EIPR1: variants seen among roughly 807,000 people sequenced by gnomAD.
The protein encoded by EIPR1 is EARP complex and GARP complex interacting protein 1.
A neutral mutation model predicts 48.1 loss-of-function variants in EIPR1; 25 were observed. The ratio of observed to expected loss-of-function variants is 0.52; its 90% CI spans 0.38 to 0.73. The LOEUF (loss-of-function observed/expected upper bound fraction) is 0.73, where lower values mean the gene tolerates loss of function less well. Ranked by LOEUF, EIPR1 falls within the 30% of genes least tolerant of loss-of-function variation. The probability of loss-of-function intolerance (pLI) is 0.00; values close to 1 mark genes in which losing one functional copy is unlikely to be tolerated. For synonymous variants in EIPR1, 204 were observed against 201.9 expected (o/e 1.01, Z -0.09); for missense variants, 415 against 506.2 (o/e 0.82, Z 1.73).
Position 3,269,914 on chromosome 2 carries a change from TCCCTCAGCTTGGGAGCACCAG to T in EIPR1, c.260-12480_260-12460del, listed in dbSNP as rs1162383314. Reference sequence around the variant, plus strand: ...AGCACGCGAATGAAGAGGAGCACCATCCCTCAGCTTGGGAGCACCAGCCCTTGGCTTGCACACAGCACTGCC... The same window carrying T: ...AGCACGCGAATGAAGAGGAGCACCATCCCTTGGCTTGCACACAGCACTGCC... On this transcript the variant is annotated intron_variant, in intron 3 of 8. Coordinates refer to ENST00000382125, the MANE Select transcript of EIPR1 (RefSeq NM_003310.5). Among the ~76,000 whole-genome samples, 82 of 152,316 alleles carry T rather than the reference TCCCTCAGCTTGGGAGCACCAG, an allele frequency of 5.4e-4. 1 individual carries two copies. The Middle Eastern group carries it at 0.017, about 32-fold the overall frequency.
chr2:3,214,296 C>A, intron 4 of EIPR1, 48 bp from the exon 5 acceptor site: 2 of 1,560,546 alleles, frequency 1.3e-6, no homozygotes, highest in Middle Eastern at 1.7e-4. Flanking sequence ...TTTGAGATAC[C>A]CAGGCTGGTA....
intron 1 of EIPR1, among the ~76,000 whole-genome samples, chr2:3,363,465 G>A (rs892747922): frequency 2.6e-5 from 4 of 152,178 alleles, no homozygotes; most frequent in African/African-American, 9.7e-5. Flanking sequence ...GGAGGCCAAG[G>A]TGGGCAAATG....
chr2:3,349,686 G>GACGCTGTGAGATGGGGACAGGGAGC (rs1670511550), intron 2 of EIPR1, among the ~76,000 whole-genome samples: 3 of 150,802 alleles, frequency 2.0e-5, no homozygotes, highest in Non-Finnish European at 2.9e-5. Context: ...GGACAGGGAG[G>GACGCTGTGAGATGGGGACAGGGAGC]ACGCTGTGAG....
intron 3 of EIPR1, among the ~76,000 whole-genome samples, chr2:3,304,698 CTCCCGTCCAATTCAGCCCTTCAG>C (rs1406896167): frequency 6.8e-6 from 1 of 146,782 alleles, no homozygotes; most frequent in Non-Finnish European, 1.5e-5. Flanking sequence ...CAACCCTCCA[CTCCCGTCCAATTCAGCCCTTCAG>C]TCCCGTCCAA....
At chr2:3,295,466 C>CCA (rs1668535518) in intron 3 of EIPR1, among the ~76,000 whole-genome samples, 2 of 109,910 alleles carry the variant, frequency 1.8e-5, no homozygotes, top group Admixed American at 9.4e-5. Context: ...CATCCTCTCT[C>CCA]TACACACCCT....
intron 4 of EIPR1, among the ~76,000 whole-genome samples, chr2:3,231,361 G>C (rs1666237766): frequency 1.3e-5 from 2 of 152,062 alleles, no homozygotes; most frequent in Admixed American, 1.3e-4. Flanking sequence ...CCTCTAGTTA[G>C]AACTTCCAGT....
chr2:3,373,363 G>T (rs897897257), intron 1 of EIPR1, among the ~76,000 whole-genome samples: 4 of 152,044 alleles, frequency 2.6e-5, no homozygotes, highest in African/African-American at 9.7e-5. Context: ...TCAACATAGT[G>T]TTGGAAGTTC....
chr2:3,348,329 T>C (rs1332874013), intron 2 of EIPR1, among the ~76,000 whole-genome samples: 13 of 152,206 alleles, frequency 8.5e-5, no homozygotes, highest in African/African-American at 3.1e-4. Context: ...ACCATGGCAC[T>C]CCCAGAGGTC....
At chr2:3,276,215 T>C (rs2103252557) in intron 3 of EIPR1, among the ~76,000 whole-genome samples, 1 of 152,362 alleles carries the variant, frequency 6.6e-6, no homozygotes, top group Middle Eastern at 3.4e-3. Context: ...TTTACTTCCT[T>C]GCTGTTGCAA....
At chr2:3,325,043 G>T (rs1421908882) in intron 3 of EIPR1, among the ~76,000 whole-genome samples, 1 of 152,248 alleles carries the variant, frequency 6.6e-6, no homozygotes, top group Non-Finnish European at 1.5e-5. Context: ...TGCCTGATCA[G>T]TTCTGTCTTT....
At chr2:3,194,918 G>A (rs1196283053) in intron 6 of EIPR1, among the ~76,000 whole-genome samples, 1 of 152,198 alleles carries the variant, frequency 6.6e-6, no homozygotes, top group East Asian at 1.9e-4. Context: ...GTGGGAGAAG[G>A]GGACTGTTTG....
chr2:3,281,173 G>C (rs993412657), intron 3 of EIPR1, among the ~76,000 whole-genome samples: 1 of 151,968 alleles, frequency 6.6e-6, no homozygotes. Context: ...CAGTTGAGTG[G>C]ACACAAACAT....
chr2:3,289,513 C>T (rs1162114593), intron 3 of EIPR1, among the ~76,000 whole-genome samples: 2 of 152,190 alleles, frequency 1.3e-5, no homozygotes, highest in African/African-American at 2.4e-5. Context: ...GCACCAGCCT[C>T]CTGGCCTTCC....
intron 4 of EIPR1, among the ~76,000 whole-genome samples, chr2:3,255,837 GCA>G (rs1343095719): frequency 7.9e-5 from 12 of 152,298 alleles, no homozygotes; most frequent in South Asian, 6.2e-4. Context: ...ACATACGTGT[GCA>G]CAGAGACACA....
intron 1 of EIPR1, among the ~76,000 whole-genome samples, chr2:3,365,060 T>C: frequency 6.6e-6 from 1 of 152,116 alleles, no homozygotes; most frequent in East Asian, 1.9e-4. Context: ...ATTTTTACCA[T>C]CATATAAATG....
At chr2:3,296,109 C>T (rs1200881980) in intron 3 of EIPR1, among the ~76,000 whole-genome samples, 1 of 134,910 alleles carries the variant, frequency 7.4e-6, no homozygotes, top group Non-Finnish European at 1.6e-5. Context: ...CCTCTCTACA[C>T]ACACACCCTC....
At chr2:3,210,571 C>T (rs1260316236) in intron 5 of EIPR1, among the ~76,000 whole-genome samples, 1 of 152,026 alleles carries the variant, frequency 6.6e-6, no homozygotes, top group South Asian at 2.1e-4. Flanking sequence ...GAGGAGGTCC[C>T]GGTGCTGCTG....
At chr2:3,362,614 C>A (rs1670876665) in intron 1 of EIPR1, among the ~76,000 whole-genome samples, 1 of 149,950 alleles carries the variant, frequency 6.7e-6, no homozygotes, top group Admixed American at 6.6e-5. Flanking sequence ...CACCCCACTG[C>A]ACTCCAGCCT....
chr2:3,318,343 G>A (rs1669378710), intron 3 of EIPR1, among the ~76,000 whole-genome samples: 3 of 152,214 alleles, frequency 2.0e-5, no homozygotes, highest in South Asian at 2.1e-4. Context: ...AAATGATAGA[G>A]CAGGACGCCG....
Sources: allele counts gnomAD v4.1 joint callset (sites outside exome capture counted in the v4.1 genomes callset), GRCh38; gene constraint gnomAD v4.1.1; transcripts MANE v1.5; gene names NCBI Gene and HGNC (gene_info 2026-07-23, HGNC 2026-07-21).